Variants in TMEM135 observed in about 807,000 individuals in gnomAD.
The protein encoded by TMEM135 is transmembrane protein 135.
TMEM135 carries 30 observed loss-of-function variants against 60.3 expected under a neutral mutation model. The observed-to-expected ratio is 0.50, with a 90% CI of 0.37 to 0.68. TMEM135 has a LOEUF of 0.68. TMEM135 is among the 30% of genes least tolerant of loss of function. The pLI is 0.00. For missense variants in TMEM135, 468 were observed against 548.8 expected (o/e 0.85, Z 1.47); for synonymous variants, 190 against 186.7 (o/e 1.02, Z -0.14).
chr11:87,153,659 CT>C (rs1938616224), intron 4 of TMEM135, among the ~76,000 whole-genome samples: 2 of 151,940 alleles, frequency 1.3e-5, no homozygotes, highest in Non-Finnish European at 2.9e-5. Flanking sequence ...TTATTTATTT[CT>C]GTAGTTATTT....
intron 5 of TMEM135, among the ~76,000 whole-genome samples, chr11:87,213,185 T>A (rs750175225): frequency 2.6e-4 from 40 of 152,180 alleles, no homozygotes; most frequent in Non-Finnish European, 4.9e-4. Flanking sequence ...TTCTCATTGC[T>A]TAGTGTAATT....
chr11:87,245,304 G>T (rs934192126), intron 6 of TMEM135, among the ~76,000 whole-genome samples: 2 of 146,132 alleles, frequency 1.4e-5, no homozygotes, highest in Non-Finnish European at 3.0e-5. Context: ...GTGTGGTGTG[G>T]TGCTGAAAAA....
At chr11:87,294,571 C>T (rs1012323119) in intron 6 of TMEM135, among the ~76,000 whole-genome samples, 11 of 152,040 alleles carry the variant, frequency 7.2e-5, no homozygotes, top group African/African-American at 2.4e-4. Context: ...TTAGTGGAGA[C>T]GGGGTTTCTC....
In TMEM135 at chr11:87,068,889, A is replaced by G. The variant is rs1349879526; in HGVS notation, c.269+1068A>G. ...GATCATTATCAGATCATTAATATTT[A>G]TAAACTTTTAGATTATGCAGAAAAT... On this transcript the variant is annotated intron_variant, in intron 2 of 14. Coordinates refer to ENST00000305494, the MANE Select transcript of TMEM135 (RefSeq NM_022918.4). Among the ~76,000 whole-genome samples the G allele has an allele frequency of 3.3e-5, 5 of 152,054 alleles. 1 individual carries two copies. In the South Asian group the frequency reaches 1.0e-3, roughly 31 times the overall value.
At chr11:87,272,831 A>G (rs377534688) in intron 6 of TMEM135, among the ~76,000 whole-genome samples, 6 of 152,188 alleles carry the variant, frequency 3.9e-5, no homozygotes, top group African/African-American at 1.4e-4. Context: ...TTTAATTGTT[A>G]CAATGTCTCT....
chr11:87,109,623 A>G (rs1215784303), intron 4 of TMEM135, among the ~76,000 whole-genome samples: 6 of 152,210 alleles, frequency 3.9e-5, no homozygotes, highest in African/African-American at 1.2e-4. Flanking sequence ...TTGGATCACA[A>G]TTTATTGCTG....
intron 6 of TMEM135, among the ~76,000 whole-genome samples, chr11:87,292,492 C>T (rs112968882): frequency 6.6e-6 from 1 of 152,044 alleles, no homozygotes; most frequent in Non-Finnish European, 1.5e-5. Flanking sequence ...ATAATCAAAT[C>T]CATAGAATAA....
intron 4 of TMEM135, among the ~76,000 whole-genome samples, chr11:87,139,100 A>T (rs1019038332): frequency 1.3e-5 from 2 of 152,180 alleles, no homozygotes; most frequent in African/African-American, 4.8e-5. Flanking sequence ...TAAGAAGTTT[A>T]TATGAATTTA....
At chr11:87,211,098 C>T (rs1940359058) in intron 5 of TMEM135, among the ~76,000 whole-genome samples, 1 of 152,136 alleles carries the variant, frequency 6.6e-6, no homozygotes, top group Admixed American at 6.5e-5. Context: ...GATAGGGATA[C>T]CTACTCTTAC....
rs904232533 is a variant in TMEM135 at position 87,087,302 on chromosome 11, A to C, written c.363-4060A>C. Reference sequence around the variant, plus strand: ...TTGGTCTTATTTTCAAAAAAAAAAAAAAAAACCTTCAGGTTATGGGCACCC... The same window carrying C: ...TTGGTCTTATTTTCAAAAAAAAAAACAAAAACCTTCAGGTTATGGGCACCC... On this transcript the variant is annotated intron_variant, in intron 3 of 14. Transcript: ENST00000305494. Among the ~76,000 whole-genome samples the C allele has an allele frequency of 2.2e-4, 33 of 152,182 alleles. 1 individual carries two copies. The highest frequency in any genetic ancestry group is 8.3e-4 in the South Asian group (4 of 4,824).
chr11:87,254,663 T>C (rs982342175), intron 6 of TMEM135, among the ~76,000 whole-genome samples: 1 of 152,214 alleles, frequency 6.6e-6, no homozygotes, highest in African/African-American at 2.4e-5. Flanking sequence ...ATATTTATGA[T>C]AATATTTCTT....
chr11:87,143,833 T>C (rs1330829174), intron 4 of TMEM135, among the ~76,000 whole-genome samples: 1 of 152,184 alleles, frequency 6.6e-6, no homozygotes, highest in Non-Finnish European at 1.5e-5. Context: ...TTTGATGTGG[T>C]AAGGATATAG....
intron 12 of TMEM135, among the ~76,000 whole-genome samples, chr11:87,317,596 G>A (rs2134533968): frequency 1.3e-5 from 2 of 152,150 alleles, no homozygotes; most frequent in Non-Finnish European, 2.9e-5. Flanking sequence ...TGGCAATTCA[G>A]TTGGGATATA....
chr11:87,264,747 A>G (rs7952272), intron 6 of TMEM135, among the ~76,000 whole-genome samples: 51,571 of 151,702 alleles, frequency 0.34, 9,485 homozygotes, highest in Non-Finnish European at 0.42. Flanking sequence ...GGTTAATTTT[A>G]TCAATAAAGT....
chr11:87,069,785 G>C (rs1856740224), intron 2 of TMEM135, among the ~76,000 whole-genome samples: 1 of 152,104 alleles, frequency 6.6e-6, no homozygotes, highest in Non-Finnish European at 1.5e-5. Flanking sequence ...AGTCTTCACA[G>C]GTGGAAGGTT....
At chr11:87,099,933 G>A (rs974966190) in intron 4 of TMEM135, among the ~76,000 whole-genome samples, 3 of 151,740 alleles carry the variant, frequency 2.0e-5, no homozygotes, top group Admixed American at 6.6e-5. Context: ...TGCCCTCCTC[G>A]GCCTCCCAAA....
chr11:87,197,642 A>C (rs953527228), intron 5 of TMEM135, among the ~76,000 whole-genome samples: 13 of 146,368 alleles, frequency 8.9e-5, no homozygotes, highest in Middle Eastern at 3.6e-3. Context: ...GTGTGGTTTT[A>C]TGTGTAGCTT....
At chr11:87,229,387 A>T (rs1298842959) in intron 5 of TMEM135, among the ~76,000 whole-genome samples, 1 of 152,154 alleles carries the variant, frequency 6.6e-6, no homozygotes, top group Non-Finnish European at 1.5e-5. Flanking sequence ...AATAAGAGAG[A>T]TGTAACTATA....
At position 87,158,638 on chromosome 11, in the gene TMEM135, T is replaced by A. The variant is rs1591064193; in HGVS notation, c.462+1232T>A. Reference sequence around the variant, plus strand: ...CACAACGCCCGGCTAATTTTTTGTATTTTTTTTACTACAGACGAGGTTTCA... The same window carrying A: ...CACAACGCCCGGCTAATTTTTTGTAATTTTTTTACTACAGACGAGGTTTCA... On this transcript the variant is annotated intron_variant, in intron 5 of 14. Coordinates refer to ENST00000305494, the MANE Select transcript of TMEM135 (RefSeq NM_022918.4). Among the ~76,000 whole-genome samples, 9 of 61,470 alleles carry A rather than the reference T, an allele frequency of 1.5e-4. No homozygotes were observed. The South Asian group carries it at 6.0e-3, about 41-fold the overall frequency. The allele number at this position is 61,470 out of a possible 152,430, so 40.3% of individuals were successfully genotyped here. A position where few individuals can be genotyped will look rare whatever the true frequency, so the allele number is the denominator to read the frequency against.
Sources: allele counts gnomAD v4.1 joint callset (sites outside exome capture counted in the v4.1 genomes callset), GRCh38; gene constraint gnomAD v4.1.1; transcripts MANE v1.5; gene names NCBI Gene and HGNC (gene_info 2026-07-23, HGNC 2026-07-21).